The following MGAT5 variants were observed in gnomAD, a reference collection of about 807,000 sequenced individuals.
MGAT5 encodes the protein alpha-1,6-mannosylglycoprotein 6-beta-N-acetylglucosaminyltransferase.
A neutral mutation model predicts 94.3 loss-of-function variants in MGAT5; 30 were observed. That is an observed-to-expected ratio of 0.32 (90% CI 0.24 to 0.43). The LOEUF (loss-of-function observed/expected upper bound fraction) is 0.43, where lower values mean the gene tolerates loss of function less well. MGAT5 is among the 20% of genes least tolerant of loss of function. The pLI, the probability that MGAT5 is intolerant of heterozygous loss-of-function variation, is 1.00. For synonymous variants in MGAT5, 310 were observed against 322.9 expected, an observed-to-expected ratio of 0.96 and a Z score of 0.43; for missense variants, 691 against 905.5, an observed-to-expected ratio of 0.76 and a Z score of 3.04.
chr2:134,159,447 G>A (rs532426064), intron 1 of MGAT5, among the ~76,000 whole-genome samples: 12 of 152,268 alleles, frequency 7.9e-5, no homozygotes, highest in African/African-American at 2.4e-4. Flanking sequence ...GAGTTAAGAC[G>A]GTTGTGTTTT....
intron 1 of MGAT5, among the ~76,000 whole-genome samples, chr2:134,131,818 C>T (rs976699419): frequency 6.6e-6 from 1 of 151,898 alleles, no homozygotes; most frequent in Non-Finnish European, 1.5e-5. Flanking sequence ...TATCCTTTTA[C>T]AGGACTGGGC....
chr2:134,427,390 T>C (rs1418451429), intron 13 of MGAT5, among the ~76,000 whole-genome samples: 1 of 152,206 alleles, frequency 6.6e-6, no homozygotes, highest in Non-Finnish European at 1.5e-5. Context: ...GCAGACACTG[T>C]GCAGCAGAGA....
chr2:134,410,124 C>T (rs552820999), intron 11 of MGAT5, among the ~76,000 whole-genome samples: 8 of 152,282 alleles, frequency 5.3e-5, no homozygotes, highest in African/African-American at 1.7e-4. Context: ...CTAAGGAAAT[C>T]GGTTAAGTAG....
intron 1 of MGAT5, among the ~76,000 whole-genome samples, chr2:134,169,411 CAG>C (rs1491376613): frequency 0.024 from 2,806 of 115,572 alleles, 53 homozygotes; most frequent in African/African-American, 0.046. Context: ...CACACACACA[CAG>C]ACACACACAC....
rs370862673 is a variant in MGAT5, at chr2:134,370,211, C to T, written c.1380+7803C>T. 1.1e-3 allele frequency among the ~76,000 whole-genome samples: 170 copies of T among 152,286 alleles called. 1 individual carries two copies. The highest frequency in any genetic ancestry group is 2.0e-3 in the Non-Finnish European group (138 of 68,018). On this transcript the variant is annotated intron_variant, in intron 10 of 15. Coordinates refer to ENST00000281923, the MANE Select transcript of MGAT5 (RefSeq NM_002410.5). ...GCTCTTAGCTCATTGTTTTAATGAACCACCCAAGACCTTTGTAATTAAAGA... is the reference window on the plus strand; with the variant it reads ...GCTCTTAGCTCATTGTTTTAATGAATCACCCAAGACCTTTGTAATTAAAGA...
chr2:134,342,856 T>A (rs927244989), intron 7 of MGAT5, among the ~76,000 whole-genome samples: 1 of 152,136 alleles, frequency 6.6e-6, no homozygotes, highest in East Asian at 1.9e-4. Flanking sequence ...TGGTCAAAGA[T>A]CTTGCTGCCA....
At chr2:134,366,455 C>T (rs1322785985) in intron 10 of MGAT5, among the ~76,000 whole-genome samples, 5 of 152,162 alleles carry the variant, frequency 3.3e-5, no homozygotes, top group Admixed American at 6.5e-5. Context: ...AATACATGAT[C>T]GCCGCTAAGG....
chr2:134,371,361 A>G (rs75396696), intron 10 of MGAT5, among the ~76,000 whole-genome samples: 41 of 152,320 alleles, frequency 2.7e-4, no homozygotes, highest in Non-Finnish European at 5.6e-4. Flanking sequence ...CCTGTTTAAA[A>G]GTCTATCAAG....
rs113849886 is a variant in MGAT5 at position 134,312,616 on chromosome 2, C to T, written c.407-4913C>T. ...TGGGCATATATCCTGGGAGTACCGACGGGTAGAGGAGGCTTCGTTGCCGGG... is the reference window on the plus strand; with the variant it reads ...TGGGCATATATCCTGGGAGTACCGATGGGTAGAGGAGGCTTCGTTGCCGGG... On this transcript the variant is annotated intron_variant, in intron 2 of 15. Coordinates refer to ENST00000281923, the MANE Select transcript of MGAT5 (RefSeq NM_002410.5). Among the ~76,000 whole-genome samples, 199 of 152,246 alleles carry T rather than the reference C, an allele frequency of 1.3e-3. 2 individuals are homozygous for T. The highest frequency in any genetic ancestry group is 4.5e-3 in the African/African-American group (189 of 41,556).
At chr2:134,363,125 A>G (rs1558825744) in intron 10 of MGAT5, among the ~76,000 whole-genome samples, 1 of 151,758 alleles carries the variant, frequency 6.6e-6, no homozygotes, top group Non-Finnish European at 1.5e-5. Context: ...AAATGTCATA[A>G]TTTTTTTTTG....
chr2:134,311,223 T>A (rs4953911), intron 2 of MGAT5, among the ~76,000 whole-genome samples: 86,127 of 152,038 alleles, frequency 0.57, 26,656 homozygotes, highest in Non-Finnish European at 0.69. Context: ...TTGAGGTTTC[T>A]GAGAGTTTTT....
chr2:134,392,456 G>A (rs1573999170), intron 10 of MGAT5, among the ~76,000 whole-genome samples: 1 of 152,082 alleles, frequency 6.6e-6, no homozygotes, highest in Non-Finnish European at 1.5e-5. Flanking sequence ...GGGACCTTAC[G>A]CTGCTATACC....
chr2:134,389,000 A>G (rs1380384460), intron 10 of MGAT5, among the ~76,000 whole-genome samples: 2 of 152,132 alleles, frequency 1.3e-5, no homozygotes, highest in African/African-American at 4.8e-5. Context: ...ATCTCCAGTG[A>G]TCGGCCTGCC....
chr2:134,191,607 G>A (rs1679172797), intron 1 of MGAT5, among the ~76,000 whole-genome samples: 1 of 150,250 alleles, frequency 6.7e-6, no homozygotes, highest in Admixed American at 6.6e-5. Flanking sequence ...CTCATGGGAG[G>A]GTGGGTTCGC....
intron 1 of MGAT5, among the ~76,000 whole-genome samples, chr2:134,122,521 CT>C (rs1326867457): frequency 1.3e-5 from 2 of 152,156 alleles, no homozygotes; most frequent in Non-Finnish European, 2.9e-5. Context: ...TGTTGTCAGC[CT>C]TACCTGGAGA....
chr2:134,171,657 A>G (rs1205506831), intron 1 of MGAT5, among the ~76,000 whole-genome samples: 1 of 152,224 alleles, frequency 6.6e-6, no homozygotes, highest in Non-Finnish European at 1.5e-5. Context: ...CAAAGTTCAT[A>G]CAATCTCTTT....
intron 10 of MGAT5, among the ~76,000 whole-genome samples, chr2:134,401,630 T>C (rs1298536238): frequency 1.3e-5 from 2 of 152,234 alleles, no homozygotes; most frequent in Non-Finnish European, 2.9e-5. Flanking sequence ...TGTAAGCTTC[T>C]GTACTAATTT....
At chr2:134,166,273 A>G (rs1687960456) in intron 1 of MGAT5, among the ~76,000 whole-genome samples, 1 of 152,258 alleles carries the variant, frequency 6.6e-6, no homozygotes, top group Non-Finnish European at 1.5e-5. Flanking sequence ...TAAGAACTAT[A>G]GTGTGATAAA....
intron 10 of MGAT5, among the ~76,000 whole-genome samples, chr2:134,368,716 A>G (rs776962992): frequency 1.3e-5 from 2 of 152,192 alleles, no homozygotes; most frequent in Non-Finnish European, 2.9e-5. Context: ...AGAACACCTT[A>G]CATTTACAGT....
Sources: allele counts gnomAD v4.1 joint callset (sites outside exome capture counted in the v4.1 genomes callset), GRCh38; gene constraint gnomAD v4.1.1; transcripts MANE v1.5; gene names NCBI Gene and HGNC (gene_info 2026-07-23, HGNC 2026-07-21).